RANGAP1: variants seen among roughly 807,000 people sequenced by gnomAD.
The protein encoded by RANGAP1 is Ran GTPase activating protein 1.
In RANGAP1, 38 loss-of-function variants were observed where a neutral mutation model predicts 63.5. That is an observed-to-expected ratio of 0.60 (90% CI 0.46 to 0.78). The LOEUF (loss-of-function observed/expected upper bound fraction) is 0.78. RANGAP1 is among the 30% of genes least tolerant of loss of function. RANGAP1 has a pLI of 0.00. For missense variants in RANGAP1, 630 were observed against 740.3 expected (o/e 0.85, Z 1.73); for synonymous variants, 329 against 310.5 (o/e 1.06, Z -0.63).
At chr22:41,259,725 G>A (rs1390027201) in intron 6 of RANGAP1, among the ~76,000 whole-genome samples, 1 of 152,136 alleles carries the variant, frequency 6.6e-6, no homozygotes, top group Non-Finnish European at 1.5e-5. Flanking sequence ...ATTTTAAGCT[G>A]GGCGCAGTGG....
chr22:41,301,527 G>A, the RANGAP1 span: 1 of 152,190 alleles, frequency 6.6e-6, no homozygotes, highest in Non-Finnish European at 1.5e-5. Context: ...GCTGCAGGGA[G>A]ACAGTGCCTC....
the RANGAP1 span, among the ~76,000 whole-genome samples, chr22:41,299,519 T>G: frequency 2.6e-5 from 4 of 152,166 alleles, no homozygotes; most frequent in East Asian, 7.7e-4. Context: ...TCCACCTACC[T>G]TGGCGTCCCA....
chr22:41,280,218 G>C (rs761094490), intron 2 of RANGAP1, among the ~76,000 whole-genome samples: 1 of 152,220 alleles, frequency 6.6e-6, no homozygotes, highest in Non-Finnish European at 1.5e-5. Context: ...CCGACCTGGA[G>C]AGGAGAACAA....
chr22:41,253,273 C>T (rs970562328), intron 11 of RANGAP1, among the ~76,000 whole-genome samples: 2 of 152,224 alleles, frequency 1.3e-5, no homozygotes, highest in African/African-American at 4.8e-5. Flanking sequence ...CTCGTCATGA[C>T]ATGCAGTGCC....
chr22:41,255,106 C>T (rs1468121581), intron 10 of RANGAP1, among the ~76,000 whole-genome samples: 1 of 152,062 alleles, frequency 6.6e-6, no homozygotes, highest in African/African-American at 2.4e-5. Flanking sequence ...GGCAGGAACA[C>T]TGCCCAGGTT....
chr22:41,249,740 C>G lies in RANGAP1; in HGVS notation c.1561G>C (p.Gly521Arg), dbSNP rs910863672. Residue 521 changes from glycine (G) to arginine (R), a missense_variant, in exon 14 of 16, where the codon GGT becomes CGT. Coordinates refer to ENST00000356244, the MANE Select transcript of RANGAP1 (RefSeq NM_002883.4). ...CCTTCCGGCCTCACCTTGAGCAGAC[C>G]CATGTGCACGAGCAGCCTGGTGAGG... ...TFLTRLLVHM[G>R]LLKSEDKVKA... 1 of 1,613,572 alleles carries G rather than the reference C, an allele frequency of 6.2e-7. No homozygotes were observed. The highest frequency in any genetic ancestry group is 1.1e-5 in the South Asian group (1 of 91,078).
chr22:41,298,824 C>T, the RANGAP1 span, among the ~76,000 whole-genome samples: 1 of 152,148 alleles, frequency 6.6e-6, no homozygotes, highest in Non-Finnish European at 1.5e-5. Flanking sequence ...TCTTAGTCAC[C>T]TCAGGCTGCT....
chr22:41,250,984 A>G (rs767879964), intron 13 of RANGAP1, 23 bp downstream of exon 13: 10 of 1,603,954 alleles, frequency 6.2e-6, no homozygotes, highest in Non-Finnish European at 8.5e-6. Context: ...GAGGGCACCC[A>G]GGTCTCACCC....
intron 12 of RANGAP1, among the ~76,000 whole-genome samples, chr22:41,252,358 T>C (rs943056962): frequency 2.0e-5 from 3 of 152,054 alleles, no homozygotes; most frequent in Admixed American, 6.6e-5. Flanking sequence ...AGAGTCTACA[T>C]TTCATGTTGC....
At chr22:41,297,185 C>G in the RANGAP1 span, among the ~76,000 whole-genome samples, 1 of 152,168 alleles carries the variant, frequency 6.6e-6, no homozygotes, top group African/African-American at 2.4e-5. Flanking sequence ...ACACTCCTGC[C>G]TGGACAACAG....
chr22:41,268,970 A>C (rs1342034334), intron 3 of RANGAP1, among the ~76,000 whole-genome samples: 1 of 152,270 alleles, frequency 6.6e-6, no homozygotes, highest in Non-Finnish European at 1.5e-5. Flanking sequence ...GCCATTAAAC[A>C]GCAACAGCAT....
chr22:41,302,173 G>A, the RANGAP1 span, among the ~76,000 whole-genome samples: 3 of 152,078 alleles, frequency 2.0e-5, no homozygotes, highest in African/African-American at 4.8e-5. The surrounding 1 kb of genome is among the most constrained non-coding windows in gnomAD (Gnocchi z 5.7). Flanking sequence ...ACCCCGCGCA[G>A]GGGGTCTCGG....
In RANGAP1 at chr22:41,252,948, G is replaced by T; in HGVS notation, c.1304C>A (p.Ser435Tyr). ...VLSSPPPADV[S>Y]TFLAFPSPEK... is the part of the protein sequence containing the mutation. ...TGGAGAGGGAAAAGCCAGGAAGGTG[G>T]AGACGTCTGCAGGAGGTGGGGAGGA... The change falls in exon 12 of 16, where the codon TCC becomes TAC. Residue 435 changes from serine (S) to tyrosine (Y), a missense_variant. Transcript: ENST00000356244. 1 of 1,549,744 alleles carries T rather than the reference G, an allele frequency of 6.5e-7. No homozygotes were observed. The highest frequency in any genetic ancestry group is 8.7e-7 in the Non-Finnish European group (1 of 1,150,682).
the RANGAP1 span, among the ~76,000 whole-genome samples, chr22:41,301,103 C>A: frequency 1.8e-4 from 27 of 152,198 alleles, no homozygotes; most frequent in African/African-American, 6.3e-4. Context: ...TTTTAACATC[C>A]TATACATAAA....
rs2033037132 is a variant in RANGAP1, at chr22:41,246,477, G to A, written c.*126C>T. The A allele has an allele frequency of 2.0e-6, 2 of 1,015,428 alleles. No homozygotes were observed. The highest frequency in any genetic ancestry group is 2.7e-5 in the East Asian group (1 of 37,426). The allele number at this position is 1,015,428 out of a possible 1,614,324, so 62.9% of individuals were successfully genotyped here. A position where few individuals can be genotyped will look rare whatever the true frequency, so the allele number is the denominator to read the frequency against. On this transcript the variant is annotated 3_prime_UTR_variant, in exon 16 of 16. Coordinates refer to ENST00000356244, the MANE Select transcript of RANGAP1 (RefSeq NM_002883.4). ...ACTCAGGGGACTGACAGGACACATG[G>A]GACACAGACCCGCCCTGCCTGTGGC...
chr22:41,293,861 G>A, the RANGAP1 span, among the ~76,000 whole-genome samples: 3 of 150,760 alleles, frequency 2.0e-5, no homozygotes, highest in Non-Finnish European at 4.4e-5. Context: ...GTCTCACTAT[G>A]TTGCCCAGGC....
chr22:41,266,198 C>T (rs1322034078), intron 4 of RANGAP1, among the ~76,000 whole-genome samples: 5 of 128,284 alleles, frequency 3.9e-5, no homozygotes, highest in South Asian at 2.8e-4. Flanking sequence ...TGAGACTCCG[C>T]CTCAAAAAAA....
In RANGAP1 at chr22:41,257,869, G is replaced by A. The variant is rs576736770; in HGVS notation, c.774+79C>T. ...GGGGGTAGAGGAGTCCCTGCTAAAC[G>A]GAGCCCCAGCTTCCCTGGAAAGACA... On this transcript the variant is annotated intron_variant, in intron 7 of 15. Transcript: ENST00000356244. The surrounding 1 kb of genome is among the most constrained non-coding windows in gnomAD (Gnocchi z 4.0). 1.4e-5 allele frequency: 21 copies of A among 1,481,238 alleles called. No homozygotes were observed. Among genetic ancestry groups the A allele is most frequent in the African/African-American group, 7.0e-5 (5 of 71,654 alleles). 91.8% of individuals were successfully genotyped at this position (1,481,238 alleles called of 1,614,324 possible). A position where few individuals can be genotyped will look rare whatever the true frequency, so the allele number is the denominator to read the frequency against.
At chr22:41,298,988 C>A in the RANGAP1 span, among the ~76,000 whole-genome samples, 1 of 152,138 alleles carries the variant, frequency 6.6e-6, no homozygotes, top group Non-Finnish European at 1.5e-5. Context: ...TTGCTGTATC[C>A]TCACCTGGCA....
Sources: gnomAD v4.1 joint callset for allele counts (sites outside exome capture counted in the v4.1 genomes callset) on GRCh38, gnomAD v4.1.1 for gene constraint, Gnocchi (gnomAD v3.1) non-coding constraint, MANE v1.5 for transcripts, NCBI Gene and HGNC (gene_info 2026-07-23, HGNC 2026-07-21) for gene names.